The following PARP3 variants were observed in gnomAD, a reference collection of about 807,000 sequenced individuals.
PARP3 encodes poly(ADP-ribose) polymerase family member 3.
PARP3 carries 46 observed loss-of-function variants against 58.2 expected under a neutral mutation model. The observed-to-expected ratio is 0.79, with a 90% confidence interval of 0.62 to 1.01. PARP3 has a LOEUF of 1.01. Among genes scored for constraint, PARP3 ranks in the 50% least tolerant of loss-of-function variants. The probability of loss-of-function intolerance (pLI) is 0.00; values close to 1 mark genes in which losing one functional copy is unlikely to be tolerated. For synonymous variants in PARP3, 252 were observed against 266.4 expected, an observed-to-expected ratio of 0.95 and a Z score of 0.53; for missense variants, 663 against 683.9, an observed-to-expected ratio of 0.97 and a Z score of 0.34.
rs532686609 is a variant in PARP3, at chr3:51,948,487, G to A, written c.*7G>A. ...GCTGGAGGTCCACCTCTGAGTGCCC[G>A]CCCTGTCCCCCGGGGTCCTGCAAGG... On this transcript the variant is annotated 3_prime_UTR_variant, in exon 11 of 11. Coordinates refer to ENST00000398755, the MANE Select transcript of PARP3 (RefSeq NM_001003931.4). The A allele has an allele frequency of 3.1e-6, 5 of 1,613,200 alleles. No homozygotes were observed. The highest frequency in any genetic ancestry group is 3.4e-6 in the Non-Finnish European group (4 of 1,179,448).
rs1396806446 is a variant in PARP3, at chr3:51,944,929, GCAGGGTGGCAGGGGCCT to G, written c.634+33_635-39del. On this transcript the variant is annotated intron_variant, in intron 5 of 10. Coordinates refer to ENST00000398755, the MANE Select transcript of PARP3 (RefSeq NM_001003931.4). The surrounding 1 kb of genome is among the most constrained non-coding windows in gnomAD (Gnocchi z 4.2). ...GACCTGGGTGAGGGGTGAGAGGCAG[GCAGGGTGGCAGGGGCCT>G]CAGGGTGGCAGGGCTGTGGGGCTGA... 6.2e-7 allele frequency: 1 copy of G among 1,613,342 alleles called. No individual in the cohort carries two copies. Among genetic ancestry groups the G allele is most frequent in the African/African-American group, 1.3e-5 (1 of 74,936 alleles).
At position 51,944,740 on chromosome 3, in the gene PARP3, C is replaced by T. The variant is rs758157786; in HGVS notation, c.502-38C>T. On this transcript the variant is annotated intron_variant, in intron 4 of 10. Coordinates refer to ENST00000398755, the MANE Select transcript of PARP3 (RefSeq NM_001003931.4). The surrounding 1 kb of genome is among the most constrained non-coding windows in gnomAD (Gnocchi z 4.2). ...GGTCTCTGTCTGGTGTCACGCCCTGCCCCGCTGCTCCTGCCCACATGTGCC... is the reference window on the plus strand; with the variant it reads ...GGTCTCTGTCTGGTGTCACGCCCTGTCCCGCTGCTCCTGCCCACATGTGCC... 6.3e-7 allele frequency: 1 copy of T among 1,586,158 alleles called. No individual in the cohort carries two copies. The highest frequency in any genetic ancestry group is 2.3e-5 in the East Asian group (1 of 43,764).
chr3:51,948,178 T>G, intron 10 of PARP3, 133 bp from the exon 11 acceptor site: 1 of 948,450 alleles, frequency 1.1e-6, no homozygotes, highest in Non-Finnish European at 1.6e-6. Flanking sequence ...CCTGCAGTGG[T>G]TTGGAGGTGG....
In PARP3 at chr3:51,946,123, C is replaced by T. The variant is rs1699670917; in HGVS notation, c.1099-43C>T. On this transcript the variant is annotated intron_variant, in intron 8 of 10. Transcript: ENST00000398755. This position sits in a 1 kb window ranked among gnomAD's most constrained non-coding sequence, Gnocchi z 4.6. ...AGCAGCAGGGCAAGGCGACTGAGTG[C>T]TCGGGTGGCATCACTCCCATTTCTC... 6.5e-7 allele frequency: 1 copy of T among 1,542,634 alleles called. No individual in the cohort carries two copies. Among genetic ancestry groups the T allele is most frequent in the Non-Finnish European group, 8.8e-7 (1 of 1,131,888 alleles).
At chr3:51,942,987 A>C in intron 1 of PARP3, 1 of 1,402,762 alleles carries the variant, frequency 7.1e-7, no homozygotes, top group Non-Finnish European at 9.2e-7. Context: ...CAGGGGGAGG[A>C]GCCCCGAAGT....
rs1289031868 is a variant in PARP3, at chr3:51,945,388, C to A, written c.862-107C>A. The stretch of plus-strand genomic sequence containing the variant: ...GGCAGACAGATAGGGTGGGGAGGGA[C>A]AGGTGGGACACACAGGTGGGGTGGC... On this transcript the variant is annotated intron_variant, in intron 6 of 10. Coordinates refer to ENST00000398755, the MANE Select transcript of PARP3 (RefSeq NM_001003931.4). 4 of 1,409,920 alleles carry A rather than the reference C, an allele frequency of 2.8e-6. No homozygotes were observed. In the South Asian group the frequency reaches 4.0e-5, roughly 14 times the overall value. The allele number at this position is 1,409,920 out of a possible 1,614,324, so 87.3% of individuals were successfully genotyped here.
Position 51,942,669 on chromosome 3 carries a change from G to GT in PARP3, c.-41dup. 1 of 1,444,120 alleles carries GT rather than the reference G, an allele frequency of 6.9e-7. No homozygotes were observed. The highest frequency in any genetic ancestry group is 9.6e-7 in the Non-Finnish European group (1 of 1,044,682). The allele number at this position is 1,444,120 out of a possible 1,614,324, so 89.5% of individuals were successfully genotyped here. A position where few individuals can be genotyped will look rare whatever the true frequency, so the allele number is the denominator to read the frequency against. On this transcript the variant is annotated 5_prime_UTR_variant, in exon 1 of 11. Transcript: ENST00000398755. ...TGGGAGGCGCACACAACCAGGCCGG[G>GT]TGGCAGCCAGGACCTCTCCCATGTC...
chr3:51,942,605 C>A lies in PARP3; in HGVS notation c.-106C>A. The A allele has an allele frequency of 1.3e-6, 1 of 781,292 alleles. No homozygotes were observed. The highest frequency in any genetic ancestry group is 2.3e-6 in the Non-Finnish European group (1 of 442,492). The allele number at this position is 781,292 out of a possible 1,614,324, so 48.4% of individuals were successfully genotyped here. On this transcript the variant is annotated 5_prime_UTR_variant, in exon 1 of 11. Transcript: ENST00000398755. ...TTGGGAATTCTCTCCCTAATTCACG[C>A]CTGAGGCTCATGGAGAGTTGCTAGA...
Position 51,947,778 on chromosome 3 carries a change from A to G in PARP3, c.1315A>G (p.Met439Val), listed in dbSNP as rs1057400584. The change falls in exon 10 of 11, where the codon ATG (methionine) becomes GTG (valine). Residue 439 changes from methionine to valine, a missense_variant. Physicochemically the swap from Met to Val is conservative, Grantham distance 21. Around this residue, in one of 3 missense-constraint regions of PARP3, gnomAD observed 8 missense variants for 21.3 expected, o/e 0.38. Coordinates refer to ENST00000398755, the MANE Select transcript of PARP3 (RefSeq NM_001003931.4). ...GTGTGGGGCCCACCATGTCGGCTAC[A>G]TGTTCCTGGGTGAGGTGGCCCTGGG... ...MKCGAHHVGY[M>V]FLGEVALGRE... 1.9e-6 allele frequency: 3 copies of G among 1,614,154 alleles called. No homozygotes were observed. Among genetic ancestry groups the G allele is most frequent in the East Asian group, 4.5e-5 (2 of 44,884 alleles).
At position 51,942,616 on chromosome 3, in the gene PARP3, T is replaced by C; in HGVS notation, c.-95T>C. ...CTCCCTAATTCACGCCTGAGGCTCA[T>C]GGAGAGTTGCTAGACCTGGGACTGC... On this transcript the variant is annotated 5_prime_UTR_variant, in exon 1 of 11. An upstream start codon of the reference 5' UTR is lost. Transcript: ENST00000398755. The C allele has an allele frequency of 1.2e-6, 1 of 819,252 alleles. No individual in the cohort carries two copies. The highest frequency in any genetic ancestry group is 1.4e-5 in the South Asian group (1 of 69,474). 50.7% of individuals were successfully genotyped at this position (819,252 alleles called of 1,614,324 possible).
Position 51,942,417 on chromosome 3 carries a change from G to A in PARP3, c.-294G>A, listed in dbSNP as rs772820526. 3 of 573,656 alleles carry A rather than the reference G, an allele frequency of 5.2e-6. No homozygotes were observed. The highest frequency in any genetic ancestry group is 9.5e-6 in the Non-Finnish European group (3 of 317,036). The allele number at this position is 573,656 out of a possible 1,614,324, so 35.5% of individuals were successfully genotyped here. On this transcript the variant is annotated 5_prime_UTR_variant, in exon 1 of 11. Coordinates refer to ENST00000398755, the MANE Select transcript of PARP3 (RefSeq NM_001003931.4). ...GCCCCGGCCACATGAGCAGCGCTACGGACGCGACTGCCCCGGCCTTGGATA... is the reference window on the plus strand; with the variant it reads ...GCCCCGGCCACATGAGCAGCGCTACAGACGCGACTGCCCCGGCCTTGGATA...
Position 51,946,242 on chromosome 3 carries a change from C to A in PARP3, c.1175C>A (p.Ala392Asp), listed in dbSNP as rs569487633. Residue 392 changes from alanine (A) to aspartate (D), a missense_variant, in exon 9 of 11, where the codon GCC becomes GAC. By Grantham distance (126) the Ala-to-Asp change is moderately radical (BLOSUM62 -2). This residue lies in a region of PARP3 where 567 missense variants were observed against 553.6 expected (regional missense o/e 1.02). Transcript: ENST00000398755. This position sits in a 1 kb window ranked among gnomAD's most constrained non-coding sequence, Gnocchi z 4.6. ...CATGGCACCAACATGGCCGTGGTGG[C>A]CGCCATCCTCACTAGTGGGCTCCGC... ...LWHGTNMAVV[A>D]AILTSGLRIM... 2 of 1,613,992 alleles carry A rather than the reference C, an allele frequency of 1.2e-6. No individual in the cohort carries two copies. The highest frequency in any genetic ancestry group is 2.2e-5 in the East Asian group (1 of 44,880).
rs149821166 is a variant in PARP3, at chr3:51,945,046, G to A, written c.683G>A (p.Arg228Gln). The A allele has an allele frequency of 2.6e-5, 42 of 1,614,106 alleles. No homozygotes were observed. In the African/African-American group the frequency reaches 2.8e-4, roughly 11 times the overall value. Residue 228 changes from arginine (R) to glutamine (Q), a missense_variant, in exon 6 of 11, where the codon CGG (arginine) becomes CAG (glutamine). Arg to Gln is a conservative substitution (Grantham distance 43, BLOSUM62 1). Transcript: ENST00000398755. ...AAGCTGAGCAAGCAACAGATTGCAC[G>A]GGGTTTCGAGGCCTTGGAGGCGCTG... ...LGKLSKQQIA[R>Q]GFEALEALEE...
chr3:51,944,622 G>A lies in PARP3; in HGVS notation c.501+44G>A, dbSNP rs1159135143. 1 of 1,601,662 alleles carries A rather than the reference G, an allele frequency of 6.2e-7. No individual in the cohort carries two copies. The highest frequency in any genetic ancestry group is 1.1e-5 in the South Asian group (1 of 90,324). Reference sequence around the variant, plus strand: ...GTGGGCAGGCCCTGGACTGAGGGAGGGGACTCGTTGGAGAGTTCCCGCTGG... The same window carrying A: ...GTGGGCAGGCCCTGGACTGAGGGAGAGGACTCGTTGGAGAGTTCCCGCTGG... On this transcript the variant is annotated intron_variant, in intron 4 of 10. Coordinates refer to ENST00000398755, the MANE Select transcript of PARP3 (RefSeq NM_001003931.4). The surrounding 1 kb of genome is among the most constrained non-coding windows in gnomAD (Gnocchi z 4.2).
chr3:51,942,470 G>C lies in PARP3; in HGVS notation c.-241G>C. 1.6e-6 allele frequency: 1 copy of C among 638,800 alleles called. No homozygotes were observed. The allele number at this position is 638,800 out of a possible 1,614,324, so 39.6% of individuals were successfully genotyped here. A position where few individuals can be genotyped will look rare whatever the true frequency, so the allele number is the denominator to read the frequency against. On this transcript the variant is annotated 5_prime_UTR_variant, in exon 1 of 11. Coordinates refer to ENST00000398755, the MANE Select transcript of PARP3 (RefSeq NM_001003931.4). ...CCAGATCGAGTGTCCACCCGTCCGTGGGACTGGTCGCCTGACTCGGCCTGC... is the reference window on the plus strand; with the variant it reads ...CCAGATCGAGTGTCCACCCGTCCGTCGGACTGGTCGCCTGACTCGGCCTGC...
chr3:51,943,645 C>A, intron 2 of PARP3, 107 bp downstream of exon 2: 1 of 1,034,074 alleles, frequency 9.7e-7, no homozygotes, highest in Non-Finnish European at 1.4e-6. Flanking sequence ...CCAAGGCCCC[C>A]AGGTAAGCGC....
In PARP3 at chr3:51,946,244, G is replaced by A. The variant is rs764003034; in HGVS notation, c.1177G>A (p.Ala393Thr). ...WHGTNMAVVA[A>T]ILTSGLRIMP... ...TGGCACCAACATGGCCGTGGTGGCCGCCATCCTCACTAGTGGGCTCCGCAT... is the reference window on the plus strand; with the variant it reads ...TGGCACCAACATGGCCGTGGTGGCCACCATCCTCACTAGTGGGCTCCGCAT... Residue 393 changes from alanine to threonine, a missense_variant, in exon 9 of 11, where the codon GCC becomes ACC. Coordinates refer to ENST00000398755, the MANE Select transcript of PARP3 (RefSeq NM_001003931.4). The surrounding 1 kb of genome is among the most constrained non-coding windows in gnomAD (Gnocchi z 4.6). 17 of 1,613,780 alleles carry A rather than the reference G, an allele frequency of 1.1e-5. No homozygotes were observed. The East Asian group carries it at 2.0e-4, about 19-fold the overall frequency.
intron 10 of PARP3, 103 bp from the exon 11 acceptor site, chr3:51,948,208 G>A (rs749277682): frequency 1.1e-4 from 130 of 1,199,798 alleles, no homozygotes; most frequent in Non-Finnish European, 1.5e-4. Flanking sequence ...AAATGAGCAG[G>A]CGTGCCCTGT....
rs1234401450 is a variant in PARP3 at position 51,944,059 on chromosome 3, A to G, written c.184-30A>G. 1 of 1,594,978 alleles carries G rather than the reference A, an allele frequency of 6.3e-7. No homozygotes were observed. The highest frequency in any genetic ancestry group is 8.6e-7 in the Non-Finnish European group (1 of 1,169,034). ...CCAGGCACCCCATCTGACCCCAGCC[A>G]GCCTGCCCCCCACCTCCCCTCTGGC... is the stretch of plus-strand genomic sequence containing the variant. On this transcript the variant is annotated intron_variant, in intron 2 of 10. Transcript: ENST00000398755. This position sits in a 1 kb window ranked among gnomAD's most constrained non-coding sequence, Gnocchi z 4.2.
Sources: gnomAD v4.1 joint callset for allele counts on GRCh38, gnomAD v4.1.1 for gene constraint, gnomAD v4.1.1 regional missense constraint, Gnocchi (gnomAD v3.1) non-coding constraint, MANE v1.5 for transcripts, NCBI Gene and HGNC (gene_info 2026-07-23, HGNC 2026-07-21) for gene names.